STARD13: variants seen among roughly 807,000 people sequenced by gnomAD.
STARD13 encodes the protein stAR-related lipid transfer protein 13.
STARD13 carries 62 observed loss-of-function variants against 106.4 expected under a neutral mutation model. That is an observed-to-expected ratio of 0.58 (90% CI 0.48 to 0.72). The LOEUF is 0.72. STARD13 is among the 30% of genes least tolerant of loss of function. The pLI is 0.00. For synonymous variants in STARD13, 565 were observed against 553.0 expected, an observed-to-expected ratio of 1.02 and a Z score of -0.31; for missense variants, 1,387 against 1,424.0, an observed-to-expected ratio of 0.97 and a Z score of 0.42.
the STARD13 span, among the ~76,000 whole-genome samples, chr13:33,405,288 C>A: frequency 2.0e-5 from 3 of 152,226 alleles, no homozygotes; most frequent in Non-Finnish European, 4.4e-5. Context: ...TTATTTTCCT[C>A]CACACTTCGC....
At chr13:33,229,592 C>T (rs978624157) in intron 1 of STARD13, among the ~76,000 whole-genome samples, 2 of 152,184 alleles carry the variant, frequency 1.3e-5, no homozygotes, top group African/African-American at 4.8e-5. Context: ...GGCATGGACA[C>T]GCGAGTGCAC....
chr13:33,504,668 TG>T, the STARD13 span, among the ~76,000 whole-genome samples: 1 of 151,738 alleles, frequency 6.6e-6, no homozygotes, highest in Admixed American at 6.6e-5. Flanking sequence ...GACGAGTTGA[TG>T]GGTGCAGCAC....
chr13:33,535,444 T>C, the STARD13 span, among the ~76,000 whole-genome samples: 1 of 152,216 alleles, frequency 6.6e-6, no homozygotes, highest in African/African-American at 2.4e-5. Context: ...ATATTTTGTA[T>C]TTTAAGTTTT....
Position 33,233,282 on chromosome 13 carries a change from C to T in STARD13, c.169+52188G>A, listed in dbSNP as rs138109084. Among the ~76,000 whole-genome samples the T allele has an allele frequency of 2.2e-4, 34 of 152,326 alleles. No homozygotes were observed. The East Asian group carries it at 4.8e-3, about 22-fold the overall frequency. ...TCTATTTTACATATACCTACCCTTT[C>T]CTAATTGGTTTTCTACACTGTCAGG... On this transcript the variant is annotated intron_variant, in intron 1 of 13. Coordinates refer to ENST00000336934, the MANE Select transcript of STARD13 (RefSeq NM_178006.4).
chr13:33,364,876 G>C, the STARD13 span, among the ~76,000 whole-genome samples: 1 of 151,026 alleles, frequency 6.6e-6, no homozygotes. Context: ...GAGACAGAGC[G>C]AGACTCCGTC....
At chr13:33,647,548 A>T in the STARD13 span, among the ~76,000 whole-genome samples, 1 of 152,198 alleles carries the variant, frequency 6.6e-6, no homozygotes, top group African/African-American at 2.4e-5. Context: ...AATTGATCTA[A>T]TTCTTCAAAT....
chr13:33,273,510 A>C (rs1891263184), intron 1 of STARD13, among the ~76,000 whole-genome samples: 2 of 152,320 alleles, frequency 1.3e-5, no homozygotes, highest in South Asian at 4.1e-4. Flanking sequence ...ACGCAAAAGA[A>C]TCCACAATGT....
chr13:33,408,487 T>A, the STARD13 span, among the ~76,000 whole-genome samples: 1 of 152,128 alleles, frequency 6.6e-6, no homozygotes, highest in Non-Finnish European at 1.5e-5. Context: ...GTGGCAGAAT[T>A]TCTTCCTTTT....
intron 1 of STARD13, among the ~76,000 whole-genome samples, chr13:33,211,629 C>G (rs139960821): frequency 3.0e-3 from 455 of 152,224 alleles, no homozygotes; most frequent in Admixed American, 5.6e-3. Context: ...ACTTATAATA[C>G]CTAGTACAAT....
the STARD13 span, among the ~76,000 whole-genome samples, chr13:33,401,829 G>A: frequency 2.0e-5 from 3 of 152,194 alleles, no homozygotes; most frequent in South Asian, 6.2e-4. Context: ...TGACTCTCAT[G>A]CTCTTATATT....
chr13:33,132,419 TTC>T (rs1878445907), intron 4 of STARD13, among the ~76,000 whole-genome samples: 1 of 152,228 alleles, frequency 6.6e-6, no homozygotes, highest in Non-Finnish European at 1.5e-5. Context: ...TTGGCTCTCT[TTC>T]TCTCTTGTCT....
At chr13:33,471,438 T>C in the STARD13 span, among the ~76,000 whole-genome samples, 2 of 152,198 alleles carry the variant, frequency 1.3e-5, no homozygotes, top group Non-Finnish European at 2.9e-5. Flanking sequence ...CCCACAGATC[T>C]ATTTAAATAA....
the STARD13 span, among the ~76,000 whole-genome samples, chr13:33,442,717 G>A: frequency 1.3e-5 from 2 of 152,172 alleles, no homozygotes; most frequent in Non-Finnish European, 2.9e-5. Flanking sequence ...AGCCCCTCAT[G>A]TATCTACCAT....
intron 1 of STARD13, among the ~76,000 whole-genome samples, chr13:33,195,765 A>G (rs1487245530): frequency 2.0e-5 from 3 of 152,200 alleles, no homozygotes; most frequent in East Asian, 1.9e-4. Flanking sequence ...GGGAAAGATC[A>G]TATGTTTCAA....
chr13:33,477,399 C>A, the STARD13 span, among the ~76,000 whole-genome samples: 2 of 152,174 alleles, frequency 1.3e-5, no homozygotes, highest in East Asian at 1.9e-4. Context: ...GGGCAGGTAG[C>A]CACATCACCC....
intron 1 of STARD13, among the ~76,000 whole-genome samples, chr13:33,189,582 C>T (rs551580012): frequency 6.6e-6 from 1 of 151,968 alleles, no homozygotes; most frequent in South Asian, 2.1e-4. Flanking sequence ...CATCTTGCTG[C>T]TGTGTATGAA....
chr13:33,676,237 A>T, the STARD13 span, among the ~76,000 whole-genome samples: 1 of 152,196 alleles, frequency 6.6e-6, no homozygotes, highest in Non-Finnish European at 1.5e-5. Flanking sequence ...GCAGGAAGCG[A>T]CATTCAGGAT....
At chr13:33,407,399 C>T in the STARD13 span, among the ~76,000 whole-genome samples, 1 of 152,192 alleles carries the variant, frequency 6.6e-6, no homozygotes, top group Non-Finnish European at 1.5e-5. Flanking sequence ...CTTCGGGTAC[C>T]ACAAGGGTAG....
chr13:33,523,211 C>T, the STARD13 span, among the ~76,000 whole-genome samples: 2 of 151,926 alleles, frequency 1.3e-5, no homozygotes, highest in East Asian at 3.9e-4. Flanking sequence ...GTATTTATTC[C>T]CTGAGCCTCT....
Sources: gnomAD v4.1 joint callset for allele counts (sites outside exome capture counted in the v4.1 genomes callset) on GRCh38, gnomAD v4.1.1 for gene constraint, MANE v1.5 for transcripts, NCBI Gene and HGNC (gene_info 2026-07-23, HGNC 2026-07-21) for gene names.